The following ARNT2 variants were observed in gnomAD, a reference collection of about 807,000 sequenced individuals.
The protein encoded by ARNT2 is ARNT protein 2.
ARNT2 carries 36 observed loss-of-function variants against 91.7 expected under a neutral mutation model. That is an observed-to-expected ratio of 0.39 (90% confidence interval 0.30 to 0.52). The LOEUF is 0.52. ARNT2 is among the 20% of genes least tolerant of loss of function. The pLI is 0.72. For missense variants in ARNT2, 775 were observed against 939.3 expected (o/e 0.83, Z 2.29); for synonymous variants, 365 against 347.1 (o/e 1.05, Z -0.57).
chr15:80,552,529 A>G, intron 9 of ARNT2, 111 bp from the exon 10 acceptor site: 1 of 1,367,146 alleles, frequency 7.3e-7, no homozygotes, highest in Non-Finnish European at 1.0e-6. Context: ...ACTAAATGAC[A>G]TGGAAGGATC....
chr15:80,524,922 A>G (rs1348654594), intron 8 of ARNT2, among the ~76,000 whole-genome samples: 1 of 152,084 alleles, frequency 6.6e-6, no homozygotes, highest in Non-Finnish European at 1.5e-5. Context: ...AAAAAGAAAA[A>G]CAGTCTATAA....
intron 5 of ARNT2, among the ~76,000 whole-genome samples, chr15:80,506,127 G>A (rs978295686): frequency 6.6e-6 from 1 of 151,716 alleles, no homozygotes; most frequent in Non-Finnish European, 1.5e-5. Flanking sequence ...TAGTAGAGAC[G>A]GGGTTTCACC....
chr15:80,441,384 G>A lies in ARNT2; in HGVS notation c.32-9496G>A, dbSNP rs543903624. Reference sequence around the variant, plus strand: ...TGTTTAATCCCTCTGAAAAGGTAGGGCTGTGATATTTGATGTGCTTTCTGT... The same window carrying A: ...TGTTTAATCCCTCTGAAAAGGTAGGACTGTGATATTTGATGTGCTTTCTGT... On this transcript the variant is annotated intron_variant, in intron 1 of 18. Coordinates refer to ENST00000303329, the MANE Select transcript of ARNT2 (RefSeq NM_014862.4). 1,530 of 985,142 alleles carry A rather than the reference G, an allele frequency of 1.6e-3. 2 individuals are homozygous for A. Among genetic ancestry groups the A allele is most frequent in the South Asian group, 3.0e-3 (64 of 21,278 alleles). 61.0% of individuals were successfully genotyped at this position (985,142 alleles called of 1,614,324 possible).
At chr15:80,503,253 C>G (rs1026733491) in intron 5 of ARNT2, among the ~76,000 whole-genome samples, 1 of 152,242 alleles carries the variant, frequency 6.6e-6, no homozygotes, top group Non-Finnish European at 1.5e-5. Flanking sequence ...CTGGGATTCA[C>G]AACCCAGTGC....
chr15:80,533,330 G>A (rs1297672352), intron 8 of ARNT2, among the ~76,000 whole-genome samples: 1 of 152,208 alleles, frequency 6.6e-6, no homozygotes, highest in African/African-American at 2.4e-5. Context: ...TGATGGCGGT[G>A]AGAGGTGATA....
chr15:80,504,929 T>G (rs1595989308), intron 5 of ARNT2, among the ~76,000 whole-genome samples: 1 of 151,242 alleles, frequency 6.6e-6, no homozygotes, highest in Non-Finnish European at 1.5e-5. Context: ...TGGCATAGGG[T>G]GAGGAGGGAG....
chr15:80,547,630 A>G (rs1050310047), intron 8 of ARNT2, among the ~76,000 whole-genome samples: 2 of 152,242 alleles, frequency 1.3e-5, no homozygotes, highest in African/African-American at 4.8e-5. Context: ...AAAAAATTGA[A>G]CTTGTCACTT....
chr15:80,463,575 C>CTTT (rs11358638), intron 3 of ARNT2, among the ~76,000 whole-genome samples: 1 of 113,190 alleles, frequency 8.8e-6, no homozygotes, highest in Non-Finnish European at 1.8e-5. Context: ...GGGTGATTTC[C>CTTT]TTTTTTTTTT....
chr15:80,513,133 T>C (rs1897370155), intron 6 of ARNT2, among the ~76,000 whole-genome samples: 1 of 152,150 alleles, frequency 6.6e-6, no homozygotes, highest in African/African-American at 2.4e-5. Context: ...TGTGATGTAG[T>C]TGGGAAATGG....
intron 8 of ARNT2, among the ~76,000 whole-genome samples, chr15:80,546,629 G>A (rs1004836524): frequency 9.9e-5 from 15 of 152,148 alleles, no homozygotes; most frequent in Admixed American, 2.0e-4. Flanking sequence ...GGAACATCTC[G>A]ACTAGAGACA....
Position 80,593,791 on chromosome 15 carries a change from C to T in ARNT2, c.*93C>T. The T allele has an allele frequency of 8.5e-7, 1 of 1,183,090 alleles. No homozygotes were observed. The highest frequency in any genetic ancestry group is 1.2e-6 in the Non-Finnish European group (1 of 830,860). The allele number at this position is 1,183,090 out of a possible 1,614,324, so 73.3% of individuals were successfully genotyped here. A position where few individuals can be genotyped will look rare whatever the true frequency, so the allele number is the denominator to read the frequency against. On this transcript the variant is annotated 3_prime_UTR_variant, in exon 19 of 19. Coordinates refer to ENST00000303329, the MANE Select transcript of ARNT2 (RefSeq NM_014862.4). ...GAGGCCCACCCTCGCCCTGCTTGCC[C>T]TGCCGCAGGCCCCCCACCAGAAGCC...
intron 1 of ARNT2, chr15:80,434,148 C>T (rs1435804651): frequency 6.6e-6 from 1 of 152,202 alleles, no homozygotes; most frequent in Non-Finnish European, 1.5e-5. Flanking sequence ...CATGCCCTGC[C>T]CTGGGGCAGA....
intron 13 of ARNT2, among the ~76,000 whole-genome samples, chr15:80,574,752 T>C (rs1898639553): frequency 6.6e-6 from 1 of 152,214 alleles, no homozygotes; most frequent in South Asian, 2.1e-4. Context: ...AAGTAATCAG[T>C]GTGACTCTGC....
chr15:80,504,981 A>G (rs1897253664), intron 5 of ARNT2, among the ~76,000 whole-genome samples: 1 of 152,048 alleles, frequency 6.6e-6, no homozygotes, highest in Non-Finnish European at 1.5e-5. Flanking sequence ...GGCCTTTTAT[A>G]CTGGTCTGCG....
intron 2 of ARNT2, among the ~76,000 whole-genome samples, chr15:80,456,976 TGA>T (rs1323645249): frequency 6.6e-6 from 1 of 152,094 alleles, no homozygotes; most frequent in African/African-American, 2.4e-5. Context: ...GCAGGGACTC[TGA>T]GACATTCTCT....
At chr15:80,553,235 A>G (rs552500596) in intron 10 of ARNT2, among the ~76,000 whole-genome samples, 117 of 152,316 alleles carry the variant, frequency 7.7e-4, no homozygotes, top group African/African-American at 2.7e-3. Flanking sequence ...AGTCAATGTC[A>G]TAAGAAACAA....
intron 11 of ARNT2, among the ~76,000 whole-genome samples, chr15:80,561,474 A>G (rs1898350055): frequency 6.6e-6 from 1 of 152,202 alleles, no homozygotes; most frequent in Non-Finnish European, 1.5e-5. Flanking sequence ...CCTTCTGCAC[A>G]TATGCGTGCG....
intron 8 of ARNT2, among the ~76,000 whole-genome samples, chr15:80,538,553 C>T (rs1223011067): frequency 6.6e-6 from 1 of 152,114 alleles, no homozygotes; most frequent in African/African-American, 2.4e-5. Flanking sequence ...TAATTAAAAC[C>T]ATGGCCCCAC....
intron 7 of ARNT2, 100 bp from the exon 8 acceptor site, chr15:80,514,220 G>A: frequency 7.9e-7 from 1 of 1,258,922 alleles, no homozygotes; most frequent in African/African-American, 1.5e-5. Flanking sequence ...AACCACAAAG[G>A]CAGACAAGGG....
Sources: gnomAD v4.1 joint callset for allele counts (sites outside exome capture counted in the v4.1 genomes callset) on GRCh38, gnomAD v4.1.1 for gene constraint, MANE v1.5 for transcripts, NCBI Gene and HGNC (gene_info 2026-07-23, HGNC 2026-07-21) for gene names.